The following SELENOT variants were observed in gnomAD, a reference collection of about 807,000 sequenced individuals.
SELENOT encodes the protein selenoprotein T, also known as thioredoxin reductase-like selenoprotein T.
In SELENOT, 9 loss-of-function variants were observed where a neutral mutation model predicts 24.3. That is an observed-to-expected ratio of 0.37 (90% CI 0.22 to 0.65). SELENOT has a LOEUF of 0.65. SELENOT is among the 30% of genes least tolerant of loss of function. The probability of loss-of-function intolerance (pLI) is 0.60; values close to 1 mark genes in which losing one functional copy is unlikely to be tolerated. For synonymous variants in SELENOT, 81 were observed against 86.0 expected, an observed-to-expected ratio of 0.94 and a Z score of 0.32; for missense variants, 166 against 247.6, an observed-to-expected ratio of 0.67 and a Z score of 2.21.
intron 4 of SELENOT, 113 bp downstream of exon 4, chr3:150,625,012 G>T: frequency 2.0e-6 from 1 of 510,764 alleles, no homozygotes. Context: ...ATAAAAGTAA[G>T]TTTATTTGAA....
rs564030456 is a variant in SELENOT, at chr3:150,628,483, C to T, written c.*854C>T. Reference sequence around the variant, plus strand: ...TTATGGATAATTTCTTAAGAGTACACACTTTAGATACACAAATAATCGTTC... The same window carrying T: ...TTATGGATAATTTCTTAAGAGTACATACTTTAGATACACAAATAATCGTTC... On this transcript the variant is annotated 3_prime_UTR_variant, in exon 6 of 6. Coordinates refer to ENST00000471696, the MANE Select transcript of SELENOT (RefSeq NM_016275.5). 2 of 152,478 alleles carry T rather than the reference C, an allele frequency of 1.3e-5. No homozygotes were observed. Among genetic ancestry groups the T allele is most frequent in the East Asian group, 3.9e-4 (2 of 5,188 alleles). 9.4% of individuals were successfully genotyped at this position (152,478 alleles called of 1,614,324 possible). A position where few individuals can be genotyped will look rare whatever the true frequency, so the allele number is the denominator to read the frequency against.
Position 150,611,323 on chromosome 3 carries a change from A to G in SELENOT, c.137+7824A>G, listed in dbSNP as rs566696415. 6 of 1,228,620 alleles carry G rather than the reference A, an allele frequency of 4.9e-6. No homozygotes were observed. In the African/African-American group the frequency reaches 9.1e-5, roughly 19 times the overall value. 76.1% of individuals were successfully genotyped at this position (1,228,620 alleles called of 1,614,324 possible). ...CTTGTCATTCTTCACTGATTAGATGAAATATGTTAAGGTGTCTTTTTCACT... is the reference window on the plus strand; with the variant it reads ...CTTGTCATTCTTCACTGATTAGATGGAATATGTTAAGGTGTCTTTTTCACT... On this transcript the variant is annotated intron_variant, in intron 1 of 5. Transcript: ENST00000471696.
chr3:150,605,391 G>A (rs1725939687), intron 1 of SELENOT, among the ~76,000 whole-genome samples: 2 of 151,868 alleles, frequency 1.3e-5, no homozygotes, highest in African/African-American at 4.8e-5. Context: ...TCATAGCAAG[G>A]TTTTCAAAAT....
At chr3:150,611,564 G>A in intron 1 of SELENOT, 1 of 1,234,768 alleles carries the variant, frequency 8.1e-7, no homozygotes, top group African/African-American at 1.5e-5. Flanking sequence ...CGAATACTCT[G>A]AATTAAGTTT....
chr3:150,605,347 A>G (rs1576528838), intron 1 of SELENOT, among the ~76,000 whole-genome samples: 1 of 152,156 alleles, frequency 6.6e-6, no homozygotes, highest in Admixed American at 6.5e-5. Context: ...ACTTGTCACA[A>G]TAATTTACCA....
chr3:150,625,491 A>G (rs1404502111), intron 4 of SELENOT, among the ~76,000 whole-genome samples: 2 of 152,024 alleles, frequency 1.3e-5, no homozygotes, highest in Non-Finnish European at 2.9e-5. Context: ...TCCACCTCCT[A>G]AATTTCAAAA....
At chr3:150,604,240 C>A (rs1173386975) in intron 1 of SELENOT, among the ~76,000 whole-genome samples, 6 of 152,166 alleles carry the variant, frequency 3.9e-5, no homozygotes, top group Non-Finnish European at 4.4e-5. Context: ...TCTTGTGTAT[C>A]CAGCAGATCT....
At chr3:150,605,126 T>C (rs1232583074) in intron 1 of SELENOT, among the ~76,000 whole-genome samples, 7 of 152,174 alleles carry the variant, frequency 4.6e-5, no homozygotes, top group African/African-American at 1.7e-4. Context: ...GGAGAATGGT[T>C]TATCCATTAA....
intron 1 of SELENOT, among the ~76,000 whole-genome samples, chr3:150,622,162 A>G (rs1182227933): frequency 1.3e-5 from 2 of 151,990 alleles, no homozygotes; most frequent in African/African-American, 2.4e-5. Context: ...TGGCATATAT[A>G]AAGTTTAATG....
intron 1 of SELENOT, among the ~76,000 whole-genome samples, chr3:150,607,008 A>C (rs1365176622): frequency 2.0e-5 from 3 of 152,222 alleles, no homozygotes; most frequent in Non-Finnish European, 4.4e-5. Context: ...TTTAACATGT[A>C]ATCAGATCTA....
chr3:150,607,598 C>T (rs1431348298), intron 1 of SELENOT, among the ~76,000 whole-genome samples: 8 of 152,166 alleles, frequency 5.3e-5, no homozygotes, highest in Non-Finnish European at 1.0e-4. Context: ...GTGTTAAGTG[C>T]TGTGAAGAAA....
intron 1 of SELENOT, among the ~76,000 whole-genome samples, chr3:150,612,290 G>C (rs1559895992): frequency 6.6e-6 from 1 of 151,958 alleles, no homozygotes; most frequent in African/African-American, 2.4e-5. Flanking sequence ...ACAGGGTTTC[G>C]GCATGTTTAT....
intron 1 of SELENOT, among the ~76,000 whole-genome samples, chr3:150,615,982 G>A (rs1245202947): frequency 2.0e-5 from 3 of 151,858 alleles, no homozygotes; most frequent in Non-Finnish European, 4.4e-5. Context: ...AAACAGCATG[G>A]TACTGGTACC....
At chr3:150,623,691 G>A (rs1726386014) in intron 3 of SELENOT, among the ~76,000 whole-genome samples, 1 of 151,920 alleles carries the variant, frequency 6.6e-6, no homozygotes, top group Non-Finnish European at 1.5e-5. Flanking sequence ...TAAGAACTTT[G>A]TGCTGTTTCT....
intron 1 of SELENOT, among the ~76,000 whole-genome samples, chr3:150,608,921 A>G (rs1163789438): frequency 1.3e-5 from 2 of 152,230 alleles, no homozygotes; most frequent in African/African-American, 4.8e-5. Flanking sequence ...CAAGTGCTGG[A>G]CAATTGAGTT....
At chr3:150,612,572 A>G (rs979334734) in intron 1 of SELENOT, among the ~76,000 whole-genome samples, 8 of 152,210 alleles carry the variant, frequency 5.3e-5, no homozygotes, top group African/African-American at 1.4e-4. Context: ...CTATTTGCTC[A>G]ATTATAAAGT....
chr3:150,613,427 T>C (rs189312870), intron 1 of SELENOT, among the ~76,000 whole-genome samples: 171 of 152,320 alleles, frequency 1.1e-3, no homozygotes, highest in Admixed American at 1.8e-3. Context: ...CTTTGTTATA[T>C]GTGGAAAGCA....
intron 1 of SELENOT, among the ~76,000 whole-genome samples, chr3:150,613,507 C>T (rs1383953781): frequency 6.6e-6 from 1 of 151,986 alleles, no homozygotes; most frequent in Non-Finnish European, 1.5e-5. Flanking sequence ...GTAGTACAAA[C>T]ATCTTAATAC....
chr3:150,615,965 G>T (rs1230438259), intron 1 of SELENOT, among the ~76,000 whole-genome samples: 9 of 152,042 alleles, frequency 5.9e-5, no homozygotes, highest in African/African-American at 2.2e-4. Context: ...CAAGGCTACA[G>T]TAACCAAAAC....
Sources: gnomAD v4.1 joint callset for allele counts (sites outside exome capture counted in the v4.1 genomes callset) on GRCh38, gnomAD v4.1.1 for gene constraint, MANE v1.5 for transcripts, NCBI Gene and HGNC (gene_info 2026-07-23, HGNC 2026-07-21) for gene names.